Variants in TLE4 observed in about 807,000 individuals in gnomAD.
TLE4 encodes transducin-like enhancer protein 4.
In TLE4, 8 loss-of-function variants were observed where a neutral mutation model predicts 92.8. The observed-to-expected ratio is 0.09, with a 90% confidence interval of 0.05 to 0.16. TLE4 has a LOEUF of 0.16. Among genes scored for constraint, TLE4 ranks in the 10% least tolerant of loss-of-function variants. The pLI is 1.00. For synonymous variants in TLE4, 371 were observed against 374.1 expected, an observed-to-expected ratio of 0.99 and a Z score of 0.10; for missense variants, 675 against 997.6, an observed-to-expected ratio of 0.68 and a Z score of 4.36.
chr9:79,598,103 C>G (rs1221337456), intron 4 of TLE4, among the ~76,000 whole-genome samples: 1 of 147,666 alleles, frequency 6.8e-6, no homozygotes, highest in Non-Finnish European at 1.5e-5. Flanking sequence ...AAAAAACTTA[C>G]CCAGGCGTGG....
At chr9:79,665,033 TG>T (rs2061170211) in intron 8 of TLE4, among the ~76,000 whole-genome samples, 1 of 152,226 alleles carries the variant, frequency 6.6e-6, no homozygotes, top group Non-Finnish European at 1.5e-5. Context: ...TTATAACAAA[TG>T]TATTAAAACA....
chr9:79,588,146 G>GTGTGTGTA (rs923777807), intron 4 of TLE4, among the ~76,000 whole-genome samples: 1 of 151,724 alleles, frequency 6.6e-6, no homozygotes, highest in African/African-American at 2.4e-5. Context: ...GTGTGTGTGT[G>GTGTGTGTA]TGTGTGTGTG....
chr9:79,581,879 G>A (rs1477080669), intron 4 of TLE4, among the ~76,000 whole-genome samples: 2 of 152,128 alleles, frequency 1.3e-5, no homozygotes, highest in African/African-American at 2.4e-5. Context: ...GGATGGCTCA[G>A]CCTGCCCTCT....
At chr9:79,612,580 A>G (rs1588061224) in intron 4 of TLE4, 76 bp from the exon 5 acceptor site, 1 of 1,271,096 alleles carries the variant, frequency 7.9e-7, no homozygotes, top group Non-Finnish European at 1.2e-6. Context: ...TTTTAATATC[A>G]TCCTGTTAAT....
chr9:79,702,144 A>G (rs1266870431), intron 8 of TLE4, among the ~76,000 whole-genome samples: 1 of 152,202 alleles, frequency 6.6e-6, no homozygotes, highest in African/African-American at 2.4e-5. Context: ...CCAGGGGAAC[A>G]CTGGCTTATA....
At chr9:79,592,068 C>G (rs1006142339) in intron 4 of TLE4, among the ~76,000 whole-genome samples, 1 of 152,038 alleles carries the variant, frequency 6.6e-6, no homozygotes, top group Non-Finnish European at 1.5e-5. Flanking sequence ...AACTATTTGA[C>G]GTTTGTAGGA....
In TLE4 at chr9:79,572,442, G is replaced by T. The variant is rs1404265647; in HGVS notation, c.-349G>T. ...CTGCCGGCGGGCGGTGGGGCGCGGAGCCCGCACTTTCCCGGCCGGGTGAGC... is the reference window on the plus strand; with the variant it reads ...CTGCCGGCGGGCGGTGGGGCGCGGATCCCGCACTTTCCCGGCCGGGTGAGC... On this transcript the variant is annotated 5_prime_UTR_variant, in exon 1 of 20. Coordinates refer to ENST00000376552, the MANE Select transcript of TLE4 (RefSeq NM_007005.6). 1.3e-5 allele frequency: 2 copies of T among 151,852 alleles called. No individual in the cohort carries two copies. The highest frequency in any genetic ancestry group is 4.9e-5 in the African/African-American group (2 of 41,222). The allele number at this position is 151,852 out of a possible 1,614,324, so 9.4% of individuals were successfully genotyped here.
At chr9:79,626,629 G>C (rs1348877724) in intron 5 of TLE4, among the ~76,000 whole-genome samples, 1 of 152,102 alleles carries the variant, frequency 6.6e-6, no homozygotes, top group Non-Finnish European at 1.5e-5. Flanking sequence ...TACTTTTTCT[G>C]TACAAAAATT....
intron 4 of TLE4, among the ~76,000 whole-genome samples, chr9:79,599,553 C>G (rs2045036705): frequency 6.6e-6 from 1 of 152,094 alleles, no homozygotes; most frequent in Non-Finnish European, 1.5e-5. Context: ...AGAAAGGGTC[C>G]CAAAGTCAAA....
rs575545220 is a variant in TLE4 at position 79,639,105 on chromosome 9, A to C, written c.390+11657A>C. Among the ~76,000 whole-genome samples, 334 of 152,242 alleles carry C rather than the reference A, an allele frequency of 2.2e-3. 2 individuals carry two copies. Among genetic ancestry groups the C allele is most frequent in the African/African-American group, 7.7e-3 (318 of 41,560 alleles). ...CATTTTAATATGGTTATGTGAAGGC[A>C]TGAGGTAATGTGTGGAGCTGTGGCA... On this transcript the variant is annotated intron_variant, in intron 6 of 19. Coordinates refer to ENST00000376552, the MANE Select transcript of TLE4 (RefSeq NM_007005.6).
At chr9:79,687,374 C>T (rs901606404) in intron 8 of TLE4, among the ~76,000 whole-genome samples, 1 of 152,138 alleles carries the variant, frequency 6.6e-6, no homozygotes, top group African/African-American at 2.4e-5. Context: ...CCATGGGTGC[C>T]AGATTTTCTT....
At chr9:79,693,266 T>C (rs914755187) in intron 8 of TLE4, among the ~76,000 whole-genome samples, 9 of 152,162 alleles carry the variant, frequency 5.9e-5, no homozygotes, top group African/African-American at 2.2e-4. Flanking sequence ...ATCTGCCTGC[T>C]AGCATTGAAA....
At chr9:79,722,909 T>A in intron 18 of TLE4, 50 bp from the exon 19 acceptor site, 1 of 1,552,648 alleles carries the variant, frequency 6.4e-7, no homozygotes, top group Non-Finnish European at 8.9e-7. Flanking sequence ...AATCTTGGTG[T>A]CTGACAGAGT....
At chr9:79,649,922 T>TG (rs2058682092) in intron 6 of TLE4, 9 of 1,316,584 alleles carry the variant, frequency 6.8e-6, no homozygotes, top group Non-Finnish European at 7.0e-6. Flanking sequence ...TTTTGTTTTT[T>TG]GTTTTTTTTT....
At chr9:79,654,380 T>C (rs971889395) in intron 8 of TLE4, among the ~76,000 whole-genome samples, 2 of 152,078 alleles carry the variant, frequency 1.3e-5, no homozygotes, top group Non-Finnish European at 2.9e-5. Context: ...AGGCTTTGGC[T>C]GTAAGATAAC....
At position 79,725,178 on chromosome 9, in the gene TLE4, C is replaced by A. The variant is rs781385858; in HGVS notation, c.*34C>A. The A allele has an allele frequency of 5.3e-6, 8 of 1,496,106 alleles. No homozygotes were observed. In the East Asian group the frequency reaches 1.8e-4, roughly 34 times the overall value. 92.7% of individuals were successfully genotyped at this position (1,496,106 alleles called of 1,614,324 possible). ...CTTCATGCAGACTGGACTTCTCCTC[C>A]TGGTAGCACTTTGCTCTGTCATCCT... On this transcript the variant is annotated 3_prime_UTR_variant, in exon 20 of 20. Transcript: ENST00000376552.
chr9:79,572,275 G>A lies in TLE4; in HGVS notation c.-516G>A, dbSNP rs1587514866. The A allele has an allele frequency of 6.6e-6, 1 of 152,266 alleles. No individual in the cohort carries two copies. Among genetic ancestry groups the A allele is most frequent in the Admixed American group, 6.5e-5 (1 of 15,298 alleles). The allele number at this position is 152,266 out of a possible 1,614,324, so 9.4% of individuals were successfully genotyped here. Reference sequence around the variant, plus strand: ...AAAAAATCTCCAGAGAAACCAAAAAGCACCGCCGAGACCTCTTCCGAACCA... The same window carrying A: ...AAAAAATCTCCAGAGAAACCAAAAAACACCGCCGAGACCTCTTCCGAACCA... On this transcript the variant is annotated 5_prime_UTR_variant, in exon 1 of 20. Coordinates refer to ENST00000376552, the MANE Select transcript of TLE4 (RefSeq NM_007005.6).
chr9:79,708,722 C>G lies in TLE4; in HGVS notation c.1199C>G (p.Ser400Cys). 1 of 1,612,738 alleles carries G rather than the reference C, an allele frequency of 6.2e-7. No individual in the cohort carries two copies. The highest frequency in any genetic ancestry group is 8.5e-7 in the Non-Finnish European group (1 of 1,180,028). ...GAAYAGLHNI[S>C]PQMSAAAAAA... ...GCCTACGCTGGGCTCCACAACATCTCCCCTCAGATGAGCGCAGCTGCTGCC... is the reference window on the plus strand; with the variant it reads ...GCCTACGCTGGGCTCCACAACATCTGCCCTCAGATGAGCGCAGCTGCTGCC... Residue 400 changes from serine to cysteine, a missense_variant, in exon 13 of 20, where the codon TCC (serine) becomes TGC (cysteine). By Grantham distance (112) the Ser-to-Cys change is moderately radical (BLOSUM62 -1). Around this residue, in one of 5 missense-constraint regions of TLE4, gnomAD observed 119 missense variants for 175.9 expected, o/e 0.68. Transcript: ENST00000376552.
chr9:79,621,899 C>T (rs1043385306), intron 5 of TLE4, among the ~76,000 whole-genome samples: 20 of 152,242 alleles, frequency 1.3e-4, no homozygotes, highest in Admixed American at 4.6e-4. Context: ...GGTCCAAGTT[C>T]GGGCCTAAGT....
Sources: gnomAD v4.1 joint callset for allele counts (sites outside exome capture counted in the v4.1 genomes callset) on GRCh38, gnomAD v4.1.1 for gene constraint, gnomAD v4.1.1 regional missense constraint, MANE v1.5 for transcripts, NCBI Gene and HGNC (gene_info 2026-07-23, HGNC 2026-07-21) for gene names.